The following ZDHHC17 variants were observed in gnomAD, a reference collection of about 807,000 sequenced individuals.
ZDHHC17 encodes palmitoyltransferase ZDHHC17.
A neutral mutation model predicts 90.3 loss-of-function variants in ZDHHC17; 40 were observed. That is an observed-to-expected ratio of 0.44 (90% confidence interval 0.34 to 0.58). The LOEUF is 0.58. Ranked by LOEUF, ZDHHC17 falls within the 20% of genes least tolerant of loss-of-function variation. The pLI, the probability that ZDHHC17 is intolerant of heterozygous loss-of-function variation, is 0.01. For synonymous variants in ZDHHC17, 235 were observed against 252.4 expected (o/e 0.93, Z 0.65); for missense variants, 614 against 780.8 (o/e 0.79, Z 2.55).
chr12:76,773,248 G>A (rs1267900760), intron 1 of ZDHHC17, among the ~76,000 whole-genome samples: 1 of 152,092 alleles, frequency 6.6e-6, no homozygotes, highest in Admixed American at 6.5e-5. Context: ...TGTTCTGCCT[G>A]TTCATATGTC....
At chr12:76,849,749 TAA>T (rs1199028781) in intron 16 of ZDHHC17, 4 of 195,164 alleles carry the variant, frequency 2.0e-5, no homozygotes, top group African/African-American at 9.3e-5. Flanking sequence ...ATGAAATATT[TAA>T]AACTTTGAGT....
chr12:76,809,624 C>A, intron 4 of ZDHHC17, 89 bp from the exon 5 acceptor site: 1 of 1,065,942 alleles, frequency 9.4e-7, no homozygotes, highest in Non-Finnish European at 1.2e-6. Context: ...CGTAATCTTC[C>A]CACCATACCT....
At position 76,780,987 on chromosome 12, in the gene ZDHHC17, A is replaced by AC. The variant is rs1460853146; in HGVS notation, c.94-16444dup. On this transcript the variant is annotated intron_variant, in intron 1 of 16. Transcript: ENST00000426126. ...CTAAAAATACAAAAAAAAAAAAATT[A>AC]CCCGGGCGTGGTAGCAGGCGCCCGT... Among the ~76,000 whole-genome samples, 3 of 151,368 alleles carry AC rather than the reference A, an allele frequency of 2.0e-5. No homozygotes were observed. The East Asian group carries it at 5.8e-4, about 29-fold the overall frequency.
Position 76,851,214 on chromosome 12 carries a change from G to T in ZDHHC17, c.*229G>T. On this transcript the variant is annotated 3_prime_UTR_variant, in exon 17 of 17. Coordinates refer to ENST00000426126, the MANE Select transcript of ZDHHC17 (RefSeq NM_015336.4). ...AAGATGATAAAAAATAATTTTAATGGTTCTTAATGTGGAAATTCACAACAT... is the reference window on the plus strand; with the variant it reads ...AAGATGATAAAAAATAATTTTAATGTTTCTTAATGTGGAAATTCACAACAT... The T allele has an allele frequency of 4.3e-6, 2 of 460,866 alleles. No homozygotes were observed. The highest frequency in any genetic ancestry group is 7.4e-6 in the Non-Finnish European group (2 of 269,360). 28.5% of individuals were successfully genotyped at this position (460,866 alleles called of 1,614,324 possible). A position where few individuals can be genotyped will look rare whatever the true frequency, so the allele number is the denominator to read the frequency against.
chr12:76,798,488 A>G (rs919853072), intron 2 of ZDHHC17, among the ~76,000 whole-genome samples: 2 of 152,098 alleles, frequency 1.3e-5, no homozygotes, highest in Non-Finnish European at 2.9e-5. Flanking sequence ...ATGTGGGAAC[A>G]TCACTTGAGA....
chr12:76,800,187 C>G (rs916797472), intron 2 of ZDHHC17, among the ~76,000 whole-genome samples: 8 of 152,148 alleles, frequency 5.3e-5, no homozygotes, highest in African/African-American at 1.7e-4. Context: ...AGAAACTAGA[C>G]AGACAAAACC....
At chr12:76,810,990 T>C (rs1244023195) in intron 5 of ZDHHC17, among the ~76,000 whole-genome samples, 2 of 152,206 alleles carry the variant, frequency 1.3e-5, no homozygotes, top group Non-Finnish European at 2.9e-5. Flanking sequence ...TACTTTTCAA[T>C]ACCAGTCCAT....
At chr12:76,774,508 T>C (rs1484393091) in intron 1 of ZDHHC17, among the ~76,000 whole-genome samples, 2 of 152,178 alleles carry the variant, frequency 1.3e-5, no homozygotes, top group Non-Finnish European at 2.9e-5. Context: ...GTCTCAAGTT[T>C]AAACATTTTT....
chr12:76,826,925 A>T lies in ZDHHC17; in HGVS notation c.915A>T (p.Val305=), dbSNP rs777783436. The change falls in exon 9 of 17, where the codon GTA becomes GTT. Residue 305 remains valine (V), a synonymous_variant. Transcript: ENST00000426126. ...CTATACAGGAATTTCGGCAGAAAGT[A>T]ATGTTAGGAACTCCTTTCCTAGTTA... ...LKADKEFRQK[V]MLGTPFLVIW... 1 of 1,510,946 alleles carries T rather than the reference A, an allele frequency of 6.6e-7. No homozygotes were observed. Among genetic ancestry groups the T allele is most frequent in the Non-Finnish European group, 8.8e-7 (1 of 1,141,770 alleles). The allele number at this position is 1,510,946 out of a possible 1,614,324, so 93.6% of individuals were successfully genotyped here.
chr12:76,789,964 A>G (rs1208724594), intron 1 of ZDHHC17, among the ~76,000 whole-genome samples: 2 of 152,194 alleles, frequency 1.3e-5, no homozygotes, highest in Admixed American at 6.5e-5. Context: ...CAAAAAGAAC[A>G]TTGGACAAAA....
chr12:76,807,401 G>A (rs972110906), intron 3 of ZDHHC17, among the ~76,000 whole-genome samples: 5 of 152,046 alleles, frequency 3.3e-5, no homozygotes, highest in Non-Finnish European at 1.5e-5. Context: ...TCAGTTGTTC[G>A]TTGATGGTCC....
At position 76,808,220 on chromosome 12, in the gene ZDHHC17, C is replaced by T. The variant is rs76961135; in HGVS notation, c.321-823C>T. Among the ~76,000 whole-genome samples the T allele has an allele frequency of 3.2e-3, 486 of 152,218 alleles. 3 individuals carry two copies. Among genetic ancestry groups the T allele is most frequent in the African/African-American group, 0.011 (459 of 41,524 alleles). On this transcript the variant is annotated intron_variant, in intron 3 of 16. Transcript: ENST00000426126. The stretch of plus-strand genomic sequence containing the variant: ...GAACAGTTTAAGAGTATACATATGT[C>T]AAGTATTTGATATCATATACCTTGG...
chr12:76,796,020 TTTAAA>T (rs1952815423), intron 1 of ZDHHC17, among the ~76,000 whole-genome samples: 1 of 152,190 alleles, frequency 6.6e-6, no homozygotes, highest in Admixed American at 6.5e-5. Flanking sequence ...GTGTAAAACT[TTTAAA>T]TTCCTTTTCA....
At position 76,831,393 on chromosome 12, in the gene ZDHHC17, C is replaced by G. The variant is rs1338186165; in HGVS notation, c.1141+2903C>G. 3.1e-4 allele frequency among the ~76,000 whole-genome samples: 47 copies of G among 152,202 alleles called. 1 individual carries two copies. The highest frequency in any genetic ancestry group is 1.5e-5 in the Non-Finnish European group (1 of 68,016). On this transcript the variant is annotated intron_variant, in intron 10 of 16. Transcript: ENST00000426126. ...TGAGATGGAGTCTTGCACTGTCCAC[C>G]AGGCTAGAGTGCAATGGCATGATCT... is the stretch of plus-strand genomic sequence containing the variant.
intron 1 of ZDHHC17, 173 bp downstream of exon 1, chr12:76,764,502 A>C: frequency 1.6e-6 from 1 of 639,836 alleles, no homozygotes; most frequent in Non-Finnish European, 2.7e-6. Flanking sequence ...ACGGGGGAGG[A>C]GATAGCGGGG....
chr12:76,773,340 A>G (rs1011169039), intron 1 of ZDHHC17, among the ~76,000 whole-genome samples: 3 of 152,086 alleles, frequency 2.0e-5, no homozygotes, highest in Admixed American at 6.5e-5. Context: ...ATCATGCAGT[A>G]TGTTGCCTTT....
intron 8 of ZDHHC17, among the ~76,000 whole-genome samples, chr12:76,826,298 C>CT (rs1029659623): frequency 1.3e-5 from 2 of 152,128 alleles, no homozygotes; most frequent in Non-Finnish European, 2.9e-5. Flanking sequence ...CAAGTATGGA[C>CT]TTTAACAACC....
chr12:76,812,032 A>AT (rs1953030429), intron 5 of ZDHHC17, among the ~76,000 whole-genome samples: 1 of 152,190 alleles, frequency 6.6e-6, no homozygotes, highest in Non-Finnish European at 1.5e-5. Flanking sequence ...CCACATTTAG[A>AT]TTTTGGTCCC....
intron 7 of ZDHHC17, among the ~76,000 whole-genome samples, chr12:76,820,459 ATGAAT>A (rs1953151616): frequency 6.6e-6 from 1 of 152,178 alleles, no homozygotes; most frequent in East Asian, 1.9e-4. Context: ...ATAAATTTAG[ATGAAT>A]TGAGTTTGGA....
Sources: allele counts gnomAD v4.1 joint callset (sites outside exome capture counted in the v4.1 genomes callset), GRCh38; gene constraint gnomAD v4.1.1; transcripts MANE v1.5; gene names NCBI Gene and HGNC (gene_info 2026-07-23, HGNC 2026-07-21).